Variants in DNAJC6 observed in about 807,000 individuals in gnomAD.
DNAJC6 encodes the protein DnaJ heat shock protein family (Hsp40) member C6.
DNAJC6 carries 34 observed loss-of-function variants against 110.0 expected under a neutral mutation model. The ratio of observed to expected loss-of-function variants is 0.31; its 90% confidence interval spans 0.24 to 0.41. The LOEUF (loss-of-function observed/expected upper bound fraction) is 0.41. Ranked by LOEUF, DNAJC6 falls within the 10% of genes least tolerant of loss-of-function variation. DNAJC6 has a pLI of 1.00. For missense variants in DNAJC6, 1,031 were observed against 1,207.8 expected (o/e 0.85, Z 2.17); for synonymous variants, 406 against 437.2 (o/e 0.93, Z 0.89).
intron 1 of DNAJC6, among the ~76,000 whole-genome samples, chr1:65,336,759 A>T (rs1268835759): frequency 6.6e-6 from 1 of 152,208 alleles, no homozygotes; most frequent in East Asian, 1.9e-4. Flanking sequence ...TCAGTCAATC[A>T]GTCAATAAAG....
At chr1:65,404,130 A>G (rs1360915524) in intron 15 of DNAJC6, among the ~76,000 whole-genome samples, 1 of 152,224 alleles carries the variant, frequency 6.6e-6, no homozygotes, top group Non-Finnish European at 1.5e-5. Context: ...GGGCTCTGGG[A>G]CATAGGAAGA....
chr1:65,295,389 G>C (rs890375878), intron 1 of DNAJC6, among the ~76,000 whole-genome samples: 95 of 152,234 alleles, frequency 6.2e-4, no homozygotes, highest in African/African-American at 2.3e-3. Flanking sequence ...TCTAGGGAAG[G>C]ATAGACTCAG....
chr1:65,385,652 T>G (rs375213481), intron 6 of DNAJC6, 60 bp from the exon 7 acceptor site: 2 of 1,359,664 alleles, frequency 1.5e-6, no homozygotes, highest in Non-Finnish European at 1.9e-6. Flanking sequence ...ATAGCAAATA[T>G]TGATTGCTTG....
At chr1:65,288,805 C>A (rs1654101995) in intron 1 of DNAJC6, among the ~76,000 whole-genome samples, 1 of 152,046 alleles carries the variant, frequency 6.6e-6, no homozygotes, top group South Asian at 2.1e-4. Context: ...TTATTTTGCC[C>A]AAATTTATGT....
intron 1 of DNAJC6, among the ~76,000 whole-genome samples, chr1:65,321,965 C>A (rs1223627508): frequency 1.3e-5 from 2 of 152,152 alleles, no homozygotes; most frequent in Non-Finnish European, 2.9e-5. Context: ...CAGGATTTTA[C>A]TGTAATTATT....
chr1:65,287,893 T>G (rs1401665164), intron 1 of DNAJC6, among the ~76,000 whole-genome samples: 1 of 152,216 alleles, frequency 6.6e-6, no homozygotes, highest in African/African-American at 2.4e-5. Context: ...CATGAGCCAC[T>G]GTGCCTGGAC....
chr1:65,296,090 C>T (rs1381378677), intron 1 of DNAJC6, among the ~76,000 whole-genome samples: 3 of 152,242 alleles, frequency 2.0e-5, no homozygotes, highest in Non-Finnish European at 4.4e-5. Flanking sequence ...TTCACCAACA[C>T]ATGGTTCCCT....
chr1:65,321,899 G>A (rs1645201059), intron 1 of DNAJC6, among the ~76,000 whole-genome samples: 1 of 152,290 alleles, frequency 6.6e-6, no homozygotes, highest in South Asian at 2.1e-4. Context: ...GATAGGACAG[G>A]AAAAGTTGGG....
chr1:65,317,988 T>C (rs1645163269), intron 1 of DNAJC6, among the ~76,000 whole-genome samples: 5 of 152,118 alleles, frequency 3.3e-5, no homozygotes, highest in East Asian at 1.9e-4. Flanking sequence ...GTTTAGAGAA[T>C]TGCATTTAGG....
chr1:65,325,636 G>C (rs1001969514), intron 1 of DNAJC6, among the ~76,000 whole-genome samples: 2 of 152,216 alleles, frequency 1.3e-5, no homozygotes, highest in Non-Finnish European at 2.9e-5. Flanking sequence ...AGTTTGATTA[G>C]TACTGGATTC....
chr1:65,396,985 A>G (rs988636345), intron 13 of DNAJC6, among the ~76,000 whole-genome samples: 3 of 152,134 alleles, frequency 2.0e-5, no homozygotes, highest in African/African-American at 7.2e-5. Flanking sequence ...TTTGTGTCCC[A>G]TGGACGTGGG....
intron 1 of DNAJC6, among the ~76,000 whole-genome samples, chr1:65,312,959 C>T (rs1645114922): frequency 6.6e-6 from 1 of 152,028 alleles, no homozygotes; most frequent in African/African-American, 2.4e-5. Flanking sequence ...ACCACCACAC[C>T]CGGCTAATTT....
intron 1 of DNAJC6, among the ~76,000 whole-genome samples, chr1:65,336,990 T>C (rs1011707529): frequency 6.6e-6 from 1 of 151,910 alleles, no homozygotes; most frequent in African/African-American, 2.4e-5. Flanking sequence ...CTTTTGTTCC[T>C]GTGTAATTTT....
chr1:65,315,210 C>A (rs1368351213), intron 1 of DNAJC6, among the ~76,000 whole-genome samples: 1 of 152,074 alleles, frequency 6.6e-6, no homozygotes, highest in African/African-American at 2.4e-5. Flanking sequence ...CTAGGCCAAT[C>A]AAACCTAAGT....
At chr1:65,384,360 G>A (rs1429975944) in intron 6 of DNAJC6, 34 bp downstream of exon 6, 2 of 1,491,992 alleles carry the variant, frequency 1.3e-6, no homozygotes, top group Non-Finnish European at 1.8e-6. Flanking sequence ...AGGCACAGAT[G>A]TAGTCTAATT....
At chr1:65,275,162 A>G (rs1054326020) in intron 1 of DNAJC6, among the ~76,000 whole-genome samples, 2 of 152,126 alleles carry the variant, frequency 1.3e-5, no homozygotes, top group African/African-American at 4.8e-5. Flanking sequence ...TATTTACCCT[A>G]TTCATTGCTT....
At chr1:65,355,459 G>A (rs1645534435) in intron 1 of DNAJC6, among the ~76,000 whole-genome samples, 1 of 152,080 alleles carries the variant, frequency 6.6e-6, no homozygotes, top group South Asian at 2.1e-4. Context: ...GCCTGCCAGT[G>A]CTTAGCTCCC....
Position 65,411,124 on chromosome 1 carries a change from G to A in DNAJC6, c.2635-126G>A, listed in dbSNP as rs565969155. 130 of 862,942 alleles carry A rather than the reference G, an allele frequency of 1.5e-4. No homozygotes were observed. The African/African-American group carries it at 2.1e-3, about 14-fold the overall frequency. The allele number at this position is 862,942 out of a possible 1,614,324, so 53.5% of individuals were successfully genotyped here. A position where few individuals can be genotyped will look rare whatever the true frequency, so the allele number is the denominator to read the frequency against. Reference sequence around the variant, plus strand: ...GCATTCCAGGTAGAGGAAACAGCCTGGATCATACAGGTTGCCCTAAGTGTT... The same window carrying A: ...GCATTCCAGGTAGAGGAAACAGCCTAGATCATACAGGTTGCCCTAAGTGTT... On this transcript the variant is annotated intron_variant, in intron 17 of 18. Transcript: ENST00000371069.
chr1:65,316,650 C>G (rs1052760476), intron 1 of DNAJC6, among the ~76,000 whole-genome samples: 1 of 152,080 alleles, frequency 6.6e-6, no homozygotes, highest in Non-Finnish European at 1.5e-5. Flanking sequence ...GAAATATGCC[C>G]ATCCAAATCT....
Sources: allele counts gnomAD v4.1 joint callset (sites outside exome capture counted in the v4.1 genomes callset), GRCh38; gene constraint gnomAD v4.1.1; transcripts MANE v1.5; gene names NCBI Gene and HGNC (gene_info 2026-07-23, HGNC 2026-07-21).